Variants in AHI1 observed in about 807,000 individuals in gnomAD.
The protein encoded by AHI1 is jouberin.
In AHI1, 123 loss-of-function variants were observed where a neutral mutation model predicts 149.3. The ratio of observed to expected loss-of-function variants is 0.82; its 90% CI spans 0.71 to 0.96. The LOEUF is 0.96. Among genes scored for constraint, AHI1 ranks in the 40% least tolerant of loss-of-function variants. AHI1 has a pLI of 0.00. For synonymous variants in AHI1, 475 were observed against 459.8 expected, an observed-to-expected ratio of 1.03 and a Z score of -0.42; for missense variants, 1,439 against 1,422.7, an observed-to-expected ratio of 1.01 and a Z score of -0.18.
chr6:135,334,744 T>C (rs1321540760), intron 24 of AHI1, among the ~76,000 whole-genome samples: 2 of 152,228 alleles, frequency 1.3e-5, no homozygotes, highest in African/African-American at 4.8e-5. Context: ...TTTCATTTTC[T>C]TTCTTGGGAG....
intron 21 of AHI1, among the ~76,000 whole-genome samples, chr6:135,410,399 A>C (rs1334494086): frequency 2.0e-5 from 3 of 152,014 alleles, no homozygotes; most frequent in Non-Finnish European, 2.9e-5. Context: ...ACAACCAAAA[A>C]CCACCTCATT....
At chr6:135,385,046 G>A (rs1335893241) in intron 23 of AHI1, among the ~76,000 whole-genome samples, 2 of 152,088 alleles carry the variant, frequency 1.3e-5, no homozygotes, top group South Asian at 2.1e-4. Flanking sequence ...CCGAGATCGC[G>A]CCACTGCACT....
At chr6:135,368,111 T>A (rs1359250686) in intron 23 of AHI1, among the ~76,000 whole-genome samples, 1 of 152,300 alleles carries the variant, frequency 6.6e-6, no homozygotes, top group East Asian at 1.9e-4. Flanking sequence ...TCGTTGTTTT[T>A]CTTCTGGGCC....
intron 10 of AHI1, among the ~76,000 whole-genome samples, chr6:135,454,814 T>G (rs1279066861): frequency 2.0e-5 from 3 of 152,198 alleles, no homozygotes; most frequent in Non-Finnish European, 2.9e-5. Flanking sequence ...TTATATCAAT[T>G]TTTCAACAAT....
At chr6:135,482,893 G>GATTTTTTTTTTTTTTTTTTT (rs1491384083) in intron 5 of AHI1, among the ~76,000 whole-genome samples, 1 of 5,790 alleles carries the variant, frequency 1.7e-4, no homozygotes, top group African/African-American at 7.0e-4. Context: ...TCCATTTAAG[G>GATTTTTTTTTTTTTTTTTTT]CTTTTTTTTT....
intron 6 of AHI1, 117 bp from the exon 7 acceptor site, chr6:135,466,490 T>C (rs1396010489): frequency 4.2e-6 from 4 of 949,390 alleles, no homozygotes; most frequent in African/African-American, 1.7e-5. Context: ...ATTTAGTTTT[T>C]CATCTGGACA....
chr6:135,445,731 C>T (rs1377763044), intron 13 of AHI1, among the ~76,000 whole-genome samples: 2 of 152,108 alleles, frequency 1.3e-5, no homozygotes, highest in Non-Finnish European at 2.9e-5. Flanking sequence ...TGCCACCATG[C>T]CCACCTAATT....
intron 26 of AHI1, among the ~76,000 whole-genome samples, chr6:135,316,315 C>T (rs1174728545): frequency 6.6e-6 from 1 of 152,244 alleles, no homozygotes; most frequent in East Asian, 1.9e-4. Flanking sequence ...GGACACCAGA[C>T]CTCCCTTTAG....
chr6:135,358,160 C>A lies in AHI1; in HGVS notation c.3137G>T (p.Cys1046Phe). 1 of 1,613,078 alleles carries A rather than the reference C, an allele frequency of 6.2e-7. No individual in the cohort carries two copies. The highest frequency in any genetic ancestry group is 1.3e-5 in the African/African-American group (1 of 74,944). ...TGIISIERKP[C>F]NHQVDTAPTV... is the part of the protein sequence containing the mutation. ...TGGTGCTGTATCTACCTGATGGTTA[C>A]AAGGCTTTCTTTCTATGCTGATAAT... Residue 1046 changes from cysteine to phenylalanine, a missense_variant, in exon 24 of 29, where the codon TGT (cysteine) becomes TTT (phenylalanine). Cys to Phe is a radical substitution (Grantham distance 205). Transcript: ENST00000265602.
chr6:135,344,926 TCACACA>T (rs59084001), intron 24 of AHI1, among the ~76,000 whole-genome samples: 9 of 145,802 alleles, frequency 6.2e-5, no homozygotes, highest in East Asian at 2.0e-4. Flanking sequence ...AAGCTCTGAT[TCACACA>T]CACACACACA....
intron 23 of AHI1, among the ~76,000 whole-genome samples, chr6:135,374,402 G>A (rs988990115): frequency 1.3e-5 from 2 of 151,900 alleles, no homozygotes; most frequent in African/African-American, 4.8e-5. Context: ...GTGAGCCACC[G>A]CGCTCGGCCC....
At chr6:135,431,000 C>G (rs578241629) in intron 17 of AHI1, among the ~76,000 whole-genome samples, 105 of 151,970 alleles carry the variant, frequency 6.9e-4, no homozygotes, top group Non-Finnish European at 1.3e-3. Flanking sequence ...AAATTAACAC[C>G]TGGCCAAAAT....
chr6:135,364,310 C>T (rs546806239), intron 23 of AHI1, among the ~76,000 whole-genome samples: 153 of 151,294 alleles, frequency 1.0e-3, no homozygotes, highest in African/African-American at 3.4e-3. Flanking sequence ...CGGGCAGAGA[C>T]GCTCCTCACT....
Position 135,333,552 on chromosome 6 carries a change from A to G in AHI1, c.3166-10228T>C, listed in dbSNP as rs1031986674. Among the ~76,000 whole-genome samples, 3 of 152,338 alleles carry G rather than the reference A, an allele frequency of 2.0e-5. No individual in the cohort carries two copies. The East Asian group carries it at 5.8e-4, about 29-fold the overall frequency. ...TAAGAAAACAAAGATAAAGAAAGTAAATAATTGCACACAGTTTATTGCCTC... is the reference window on the plus strand; with the variant it reads ...TAAGAAAACAAAGATAAAGAAAGTAGATAATTGCACACAGTTTATTGCCTC... On this transcript the variant is annotated intron_variant, in intron 24 of 28. Coordinates refer to ENST00000265602, the MANE Select transcript of AHI1 (RefSeq NM_001134831.2).
intron 23 of AHI1, among the ~76,000 whole-genome samples, chr6:135,369,449 AAC>A (rs1262776386): frequency 2.0e-5 from 3 of 152,236 alleles, no homozygotes; most frequent in South Asian, 2.1e-4. Flanking sequence ...AGACAGCATC[AAC>A]ACAGTTATGG....
intron 23 of AHI1, among the ~76,000 whole-genome samples, chr6:135,387,507 T>C (rs887984504): frequency 1.3e-5 from 2 of 152,244 alleles, no homozygotes; most frequent in Non-Finnish European, 2.9e-5. Flanking sequence ...GGTACTCGTG[T>C]AGAAAGCTAA....
chr6:135,316,057 CA>C (rs11314127), intron 26 of AHI1, among the ~76,000 whole-genome samples: 102,132 of 151,824 alleles, frequency 0.67, 35,799 homozygotes, highest in African/African-American at 0.89. Context: ...GTTGAGAAAA[CA>C]AAAAAACATC....
chr6:135,412,118 G>A (rs1301373887), intron 20 of AHI1, among the ~76,000 whole-genome samples: 1 of 151,662 alleles, frequency 6.6e-6, no homozygotes, highest in Non-Finnish European at 1.5e-5. Flanking sequence ...TTGGTCCACT[G>A]TATCTGTGGC....
Position 135,457,716 on chromosome 6 carries a change from A to G in AHI1, c.932-3T>C. 5.0e-6 allele frequency: 8 copies of G among 1,612,602 alleles called. No individual in the cohort carries two copies. The highest frequency in any genetic ancestry group is 6.8e-6 in the Non-Finnish European group (8 of 1,178,732). On this transcript the variant is annotated splice_polypyrimidine_tract_variant and splice_region_variant and intron_variant, in intron 8 of 28. Coordinates refer to ENST00000265602, the MANE Select transcript of AHI1 (RefSeq NM_001134831.2). ...AACATCTTCATTATTATCTGCAACT[A>G]CACGCATGGAAAAAAAAATCAATGT...
Sources: allele counts gnomAD v4.1 joint callset (sites outside exome capture counted in the v4.1 genomes callset), GRCh38; gene constraint gnomAD v4.1.1; transcripts MANE v1.5; gene names NCBI Gene and HGNC (gene_info 2026-07-23, HGNC 2026-07-21).